The following KANSL1 variants were observed in gnomAD, a reference collection of about 807,000 sequenced individuals.
The protein encoded by KANSL1 is MLL1/MLL complex subunit KANSL1.
In KANSL1, 22 loss-of-function variants were observed where a neutral mutation model predicts 103.6. That is an observed-to-expected ratio of 0.21 (90% CI 0.15 to 0.30). The LOEUF is 0.30. KANSL1 is among the 10% of genes least tolerant of loss of function. KANSL1 has a pLI of 1.00. For missense variants in KANSL1, 1,337 were observed against 1,399.8 expected (o/e 0.96, Z 0.72); for synonymous variants, 600 against 527.6 (o/e 1.14, Z -1.88).
intron 2 of KANSL1, among the ~76,000 whole-genome samples, chr17:46,125,414 T>C (rs2043508462): frequency 6.6e-6 from 1 of 152,218 alleles, no homozygotes; most frequent in African/African-American, 2.4e-5. Flanking sequence ...TTTAGTGTGA[T>C]ATTCACTTTA....
chr17:46,175,310 C>CTGTGTGTGTGTGTGTGTGTGTGTG (rs71138529), intron 1 of KANSL1, among the ~76,000 whole-genome samples: 1 of 137,478 alleles, frequency 7.3e-6, no homozygotes, highest in Non-Finnish European at 1.6e-5. Context: ...TGTCTTATTG[C>CTGTGTGTGTGTGTGTGTGTGTGTG]TGTGTGTGTG....
intron 1 of KANSL1, among the ~76,000 whole-genome samples, chr17:46,173,765 A>C (rs924416485): frequency 6.6e-6 from 1 of 152,218 alleles, no homozygotes; most frequent in African/African-American, 2.4e-5. Context: ...TTTTTAAGGG[A>C]GTTCCACTTA....
At chr17:46,175,337 TG>T (rs2046470908) in intron 1 of KANSL1, among the ~76,000 whole-genome samples, 1 of 151,356 alleles carries the variant, frequency 6.6e-6, no homozygotes, top group Non-Finnish European at 1.5e-5. Flanking sequence ...TGTGTGTGTG[TG>T]TGTGTGTGTG....
chr17:46,053,157 C>G (rs1473461803), intron 6 of KANSL1, among the ~76,000 whole-genome samples: 1 of 150,726 alleles, frequency 6.6e-6, no homozygotes, highest in East Asian at 2.0e-4. Flanking sequence ...TGGTGGTGGG[C>G]ACCTGTAATC....
intron 1 of KANSL1, among the ~76,000 whole-genome samples, chr17:46,214,221 G>T (rs1431408084): frequency 6.6e-6 from 1 of 152,158 alleles, no homozygotes; most frequent in African/African-American, 2.4e-5. Context: ...ATCAGACTGG[G>T]ACCAATAGAT....
In KANSL1 at chr17:46,031,687, T is replaced by C. The variant is rs1473128164; in HGVS notation, c.3107A>G (p.Glu1036Gly). ...GTGCGCCAGGGGGAAGGTCCGCCGCTCCCAGGGCTGGACAGACTGTAGGCA... is the reference window on the plus strand; with the variant it reads ...GTGCGCCAGGGGGAAGGTCCGCCGCCCCCAGGGCTGGACAGACTGTAGGCA... ...GLDEQSVQPW[E>G]RRTFPLAHSP... is the part of the protein sequence containing the mutation. Residue 1036 changes from glutamate to glycine, a missense_variant, in exon 15 of 15, where the codon GAG becomes GGG. This residue lies in a region of KANSL1 where 780 missense variants were observed against 923.4 expected (regional missense o/e 0.84). Coordinates refer to ENST00000432791, the MANE Select transcript of KANSL1 (RefSeq NM_015443.4). The C allele has an allele frequency of 1.9e-6, 3 of 1,608,262 alleles. No homozygotes were observed. In the African/African-American group the frequency reaches 4.0e-5, roughly 21 times the overall value.
At chr17:46,164,115 TTA>T (rs2045881826) in intron 2 of KANSL1, among the ~76,000 whole-genome samples, 1 of 152,198 alleles carries the variant, frequency 6.6e-6, no homozygotes, top group Admixed American at 6.5e-5. Context: ...TATTCATCTG[TTA>T]TCTCTTGTGT....
intron 2 of KANSL1, among the ~76,000 whole-genome samples, chr17:46,096,379 G>A (rs1005765236): frequency 1.4e-5 from 2 of 144,188 alleles, no homozygotes; most frequent in African/African-American, 5.3e-5. Context: ...GAGTGCAATG[G>A]CGCAATCTTG....
At chr17:46,221,535 A>G in intron 1 of KANSL1, 1 of 148,364 alleles carries the variant, frequency 6.7e-6, no homozygotes, top group Non-Finnish European at 1.5e-5. Context: ...TTCCATGAGA[A>G]CTTCTAATTA....
chr17:46,127,349 A>G (rs2147244200), intron 2 of KANSL1, among the ~76,000 whole-genome samples: 1 of 152,390 alleles, frequency 6.6e-6, no homozygotes, highest in South Asian at 2.1e-4. Context: ...TGGAAAACCT[A>G]CATTCATCAT....
At chr17:46,049,239 CCT>C (rs2077623031) in intron 7 of KANSL1, among the ~76,000 whole-genome samples, 1 of 123,826 alleles carries the variant, frequency 8.1e-6, no homozygotes, top group African/African-American at 2.9e-5. Context: ...CCATCCAAGA[CCT>C]TTTTTTTTTT....
At chr17:46,159,083 C>T (rs910440277) in intron 2 of KANSL1, among the ~76,000 whole-genome samples, 1 of 152,190 alleles carries the variant, frequency 6.6e-6, no homozygotes, top group Non-Finnish European at 1.5e-5. Context: ...GTGAGTAGGC[C>T]TGCTGGAGCT....
At chr17:46,109,013 A>G (rs1400266454) in intron 2 of KANSL1, among the ~76,000 whole-genome samples, 1 of 152,222 alleles carries the variant, frequency 6.6e-6, no homozygotes, top group Non-Finnish European at 1.5e-5. Flanking sequence ...CAGTGATGCA[A>G]TCATAGCTCA....
chr17:46,091,701 G>A (rs191188096), intron 3 of KANSL1, among the ~76,000 whole-genome samples: 91 of 152,240 alleles, frequency 6.0e-4, no homozygotes, highest in African/African-American at 2.1e-3. Context: ...CAGTATAGTA[G>A]CATGATGTAC....
chr17:46,102,119 T>A (rs191913475), intron 2 of KANSL1, among the ~76,000 whole-genome samples: 1 of 152,366 alleles, frequency 6.6e-6, no homozygotes, highest in East Asian at 1.9e-4. Flanking sequence ...TCCCACATTT[T>A]AGTTGTAAAG....
intron 1 of KANSL1, among the ~76,000 whole-genome samples, chr17:46,208,521 G>C (rs543582935): frequency 6.2e-4 from 94 of 151,768 alleles, no homozygotes; most frequent in African/African-American, 2.1e-3. Context: ...GCTGAGATGG[G>C]AGGATTGCTT....
chr17:46,090,338 A>G (rs2079334234), intron 3 of KANSL1, among the ~76,000 whole-genome samples: 1 of 152,220 alleles, frequency 6.6e-6, no homozygotes, highest in African/African-American at 2.4e-5. Context: ...TTTTTAAGCC[A>G]TCCCATTTGT....
chr17:46,157,817 A>G (rs1040255156), intron 2 of KANSL1, among the ~76,000 whole-genome samples: 1 of 152,276 alleles, frequency 6.6e-6, no homozygotes. Flanking sequence ...TACAAAGAAA[A>G]GACTGGCCTG....
rs1402640378 is a variant in KANSL1 at position 46,050,351 on chromosome 17, T to C, written c.2020+182A>G. 6 of 598,402 alleles carry C rather than the reference T, an allele frequency of 1.0e-5. No individual in the cohort carries two copies. In the East Asian group the frequency reaches 1.7e-4, roughly 17 times the overall value. The allele number at this position is 598,402 out of a possible 1,614,324, so 37.1% of individuals were successfully genotyped here. ...CTCATATTAAGTTGCAACCTTTTAG[T>C]GGCACCTTCTGGTTTGGTGGATCTG... On this transcript the variant is annotated intron_variant, in intron 7 of 14. Transcript: ENST00000432791.
Sources: gnomAD v4.1 joint callset for allele counts (sites outside exome capture counted in the v4.1 genomes callset) on GRCh38, gnomAD v4.1.1 for gene constraint, gnomAD v4.1.1 regional missense constraint, MANE v1.5 for transcripts, NCBI Gene and HGNC (gene_info 2026-07-23, HGNC 2026-07-21) for gene names.